Variants in AGMO observed in about 807,000 individuals in gnomAD.
The protein encoded by AGMO is alkylglycerol monooxygenase, also known as glyceryl-ether monooxygenase.
AGMO carries 75 observed loss-of-function variants against 60.2 expected under a neutral mutation model. That is an observed-to-expected ratio of 1.25 (90% CI 1.03 to 1.51). AGMO has a LOEUF of 1.51. AGMO is among the 40% of genes most tolerant of loss of function. The pLI, the probability that AGMO is intolerant of heterozygous loss-of-function variation, is 0.00. For missense variants in AGMO, 763 were observed against 525.5 expected, an observed-to-expected ratio of 1.45 and a Z score of -4.42; for synonymous variants, 261 against 177.1, an observed-to-expected ratio of 1.47 and a Z score of -3.76.
chr7:15,261,893 AC>A (rs1783283615), intron 12 of AGMO, among the ~76,000 whole-genome samples: 1 of 152,118 alleles, frequency 6.6e-6, no homozygotes, highest in Non-Finnish European at 1.5e-5. Context: ...AGAATTAAAA[AC>A]AAAAATCACA....
At chr7:15,269,429 A>T (rs1009053992) in intron 12 of AGMO, among the ~76,000 whole-genome samples, 1 of 152,054 alleles carries the variant, frequency 6.6e-6, no homozygotes, top group Non-Finnish European at 1.5e-5. Context: ...CGGTCCCAAT[A>T]GAATCAGAGA....
chr7:15,275,214 T>C (rs1011806950), intron 12 of AGMO, among the ~76,000 whole-genome samples: 2 of 152,160 alleles, frequency 1.3e-5, no homozygotes, highest in Non-Finnish European at 2.9e-5. Flanking sequence ...AGCACTACTT[T>C]TGCTGTATCC....
At chr7:15,177,362 A>C in the AGMO span, among the ~76,000 whole-genome samples, 1 of 152,120 alleles carries the variant, frequency 6.6e-6, no homozygotes, top group Non-Finnish European at 1.5e-5. Flanking sequence ...TATTTTTATC[A>C]AAGATACACT....
intron 3 of AGMO, among the ~76,000 whole-genome samples, chr7:15,523,717 G>A (rs1322832379): frequency 6.6e-6 from 1 of 152,010 alleles, no homozygotes; most frequent in African/African-American, 2.4e-5. Context: ...GATAGCATTA[G>A]GAGAAATACC....
At chr7:15,470,279 A>C (rs1042416080) in intron 3 of AGMO, among the ~76,000 whole-genome samples, 1 of 152,052 alleles carries the variant, frequency 6.6e-6, no homozygotes, top group Non-Finnish European at 1.5e-5. Flanking sequence ...ACACTGCTGG[A>C]AACAAAAACT....
intron 12 of AGMO, among the ~76,000 whole-genome samples, chr7:15,257,793 CAT>C (rs1197332468): frequency 2.0e-5 from 3 of 152,136 alleles, no homozygotes; most frequent in East Asian, 1.9e-4. Flanking sequence ...TAAATGAAAT[CAT>C]ATGTTTTCAT....
At chr7:15,266,196 T>C (rs1233893004) in intron 12 of AGMO, among the ~76,000 whole-genome samples, 1 of 152,002 alleles carries the variant, frequency 6.6e-6, no homozygotes, top group Non-Finnish European at 1.5e-5. Context: ...TTAATAGGTA[T>C]AGTTATTGTT....
At chr7:15,394,740 C>T (rs1379916959) in intron 5 of AGMO, among the ~76,000 whole-genome samples, 1 of 152,152 alleles carries the variant, frequency 6.6e-6, no homozygotes, top group African/African-American at 2.4e-5. Flanking sequence ...CATGCAGCAA[C>T]GACTTACTAT....
intron 3 of AGMO, among the ~76,000 whole-genome samples, chr7:15,469,543 T>A (rs1782389255): frequency 6.6e-6 from 1 of 152,174 alleles, no homozygotes; most frequent in African/African-American, 2.4e-5. Context: ...GTCAGCTGTG[T>A]TCCTCACGCC....
chr7:15,466,338 T>C (rs1782287967), intron 3 of AGMO, among the ~76,000 whole-genome samples: 1 of 152,204 alleles, frequency 6.6e-6, no homozygotes, highest in Admixed American at 6.5e-5. Flanking sequence ...TATGCATCCT[T>C]GCTGCTCGTA....
intron 3 of AGMO, among the ~76,000 whole-genome samples, chr7:15,432,361 T>TACACAC (rs1554271578): frequency 1.3e-3 from 158 of 123,738 alleles, no homozygotes; most frequent in African/African-American, 2.7e-3. Flanking sequence ...CATATATATA[T>TACACAC]ACACACACAT....
rs144898048 is a variant in AGMO at position 15,473,761 on chromosome 7, G to A, written c.410-42653C>T. On this transcript the variant is annotated intron_variant, in intron 3 of 12. Coordinates refer to ENST00000342526, the MANE Select transcript of AGMO (RefSeq NM_001004320.2). ...AAATGGTATTCAAATAGGAAGAGAC[G>A]TCAAATTGTCTGTTTGCAGATGACA... Among the ~76,000 whole-genome samples the A allele has an allele frequency of 3.1e-3, 470 of 152,110 alleles. 1 individual carries two copies. The highest frequency in any genetic ancestry group is 0.01 in the African/African-American group (418 of 41,520).
chr7:15,283,794 A>G (rs1034430903), intron 12 of AGMO, among the ~76,000 whole-genome samples: 1 of 152,056 alleles, frequency 6.6e-6, no homozygotes, highest in African/African-American at 2.4e-5. Flanking sequence ...TCACCAGTAC[A>G]TGGAGCAGTC....
intron 12 of AGMO, among the ~76,000 whole-genome samples, chr7:15,271,320 G>GT (rs1268127300): frequency 6.6e-6 from 1 of 151,942 alleles, no homozygotes; most frequent in Non-Finnish European, 1.5e-5. Flanking sequence ...TTTTCCATTT[G>GT]TTTATGTCAT....
At chr7:15,549,921 G>A (rs1366890789) in intron 2 of AGMO, among the ~76,000 whole-genome samples, 4 of 150,416 alleles carry the variant, frequency 2.7e-5, no homozygotes, top group Admixed American at 1.3e-4. Flanking sequence ...GGGAAGTAAA[G>A]CTCTCCTCAG....
intron 12 of AGMO, among the ~76,000 whole-genome samples, chr7:15,290,676 T>C (rs930849545): frequency 2.0e-5 from 3 of 152,172 alleles, no homozygotes; most frequent in Non-Finnish European, 4.4e-5. Context: ...GAATGTCTTA[T>C]AGATAGTGTT....
rs116507028 is a variant in AGMO at position 15,348,688 on chromosome 7, C to T, written c.1263+16826G>A. Among the ~76,000 whole-genome samples the T allele has an allele frequency of 5.5e-3, 829 of 152,034 alleles. 12 individuals carry two copies. Among genetic ancestry groups the T allele is most frequent in the African/African-American group, 0.019 (774 of 41,502 alleles). ...TTACTAGAAATAAATATGAGTATAG[C>T]ATCACTCTGTTTTTCACTTGAAGGT... On this transcript the variant is annotated intron_variant, in intron 12 of 12. Coordinates refer to ENST00000342526, the MANE Select transcript of AGMO (RefSeq NM_001004320.2).
chr7:15,325,727 T>C (rs372450733), intron 12 of AGMO, among the ~76,000 whole-genome samples: 55 of 152,294 alleles, frequency 3.6e-4, no homozygotes, highest in Middle Eastern at 6.8e-3. Flanking sequence ...CATTTTACTT[T>C]TGAGTCATCC....
intron 3 of AGMO, among the ~76,000 whole-genome samples, chr7:15,447,012 A>T (rs189024922): frequency 3.4e-4 from 52 of 152,364 alleles, no homozygotes; most frequent in Non-Finnish European, 7.2e-4. Context: ...CAAAGCTCTT[A>T]GTAGTTGGAC....
Sources: allele counts gnomAD v4.1 joint callset (sites outside exome capture counted in the v4.1 genomes callset), GRCh38; gene constraint gnomAD v4.1.1; transcripts MANE v1.5; gene names NCBI Gene and HGNC (gene_info 2026-07-23, HGNC 2026-07-21).